The following PGM1 variants were observed in gnomAD, a reference collection of about 807,000 sequenced individuals.
PGM1 encodes the protein phosphoglucomutase-1.
A neutral mutation model predicts 55.6 loss-of-function variants in PGM1; 52 were observed. That is an observed-to-expected ratio of 0.94 (90% confidence interval 0.75 to 1.18). The LOEUF (loss-of-function observed/expected upper bound fraction) is 1.18. Among genes scored for constraint, PGM1 ranks in the 50% most tolerant of loss-of-function variants. The probability of loss-of-function intolerance (pLI) is 0.00; values close to 1 mark genes in which losing one functional copy is unlikely to be tolerated. For synonymous variants in PGM1, 287 were observed against 271.7 expected (o/e 1.06, Z -0.55); for missense variants, 724 against 729.3 (o/e 0.99, Z 0.08).
intron 1 of PGM1, among the ~76,000 whole-genome samples, chr1:63,601,737 A>G (rs1648249612): frequency 6.6e-6 from 1 of 152,168 alleles, no homozygotes; most frequent in Non-Finnish European, 1.5e-5. Flanking sequence ...GGCTGTGCTT[A>G]GTGTTGGGAT....
intron 1 of PGM1, among the ~76,000 whole-genome samples, chr1:63,614,790 C>A (rs79693328): frequency 0.02 from 3,019 of 152,272 alleles, 91 homozygotes; most frequent in African/African-American, 0.069. Flanking sequence ...AGGATAAGGG[C>A]TGAGAATAAT....
intron 7 of PGM1, among the ~76,000 whole-genome samples, chr1:63,642,242 G>A (rs1649537759): frequency 6.6e-6 from 1 of 152,150 alleles, no homozygotes; most frequent in Non-Finnish European, 1.5e-5. Flanking sequence ...AACAATCTTG[G>A]AATATTACTA....
intron 4 of PGM1, among the ~76,000 whole-genome samples, chr1:63,632,544 C>G (rs1370670478): frequency 6.6e-6 from 1 of 152,192 alleles, no homozygotes; most frequent in Non-Finnish European, 1.5e-5. Context: ...GGCCTCTGGA[C>G]TCCCATAGAA....
At chr1:63,624,986 G>A (rs886523611) in intron 1 of PGM1, among the ~76,000 whole-genome samples, 2 of 152,194 alleles carry the variant, frequency 1.3e-5, no homozygotes, top group Non-Finnish European at 2.9e-5. Context: ...AAGATAAAAT[G>A]TGACATGCCA....
At chr1:63,632,585 A>T (rs1042075208) in intron 4 of PGM1, among the ~76,000 whole-genome samples, 4 of 152,226 alleles carry the variant, frequency 2.6e-5, no homozygotes, top group African/African-American at 9.6e-5. Flanking sequence ...GACAAAAGCG[A>T]TTCTGTCATT....
intron 1 of PGM1, among the ~76,000 whole-genome samples, chr1:63,625,776 A>C (rs775046105): frequency 7.3e-5 from 11 of 151,686 alleles, no homozygotes; most frequent in Non-Finnish European, 1.5e-4. Context: ...GTTTCTCTTC[A>C]TTTTTTATTT....
intron 7 of PGM1, among the ~76,000 whole-genome samples, chr1:63,646,847 G>A (rs1027663716): frequency 2.0e-5 from 3 of 152,008 alleles, no homozygotes; most frequent in African/African-American, 4.8e-5. Context: ...TTGGCAAATC[G>A]CCTATTGATA....
chr1:63,602,618 A>C (rs141659462), intron 1 of PGM1, among the ~76,000 whole-genome samples: 91,946 of 151,752 alleles, frequency 0.61, 29,621 homozygotes, highest in African/African-American at 0.82. Context: ...GTGAATTGAA[A>C]TGTTGCTCAA....
At chr1:63,594,565 A>G (rs1467556779) in intron 1 of PGM1, among the ~76,000 whole-genome samples, 1 of 152,030 alleles carries the variant, frequency 6.6e-6, no homozygotes, top group African/African-American at 2.4e-5. Context: ...GCCCCCGGCC[A>G]AGGAAAGTTA....
rs959863872 is a variant in PGM1, at chr1:63,629,775, C to T, written c.410-167C>T. Among the ~76,000 whole-genome samples, 31 of 152,152 alleles carry T rather than the reference C, an allele frequency of 2.0e-4. 1 individual carries two copies. Among genetic ancestry groups the T allele is most frequent in the Admixed American group, 1.7e-3 (26 of 15,266 alleles). ...GTACCTGAATATGAAGAGCCATGCG[C>T]AAATCTTCCTTAACATGATATTTTC... is the stretch of plus-strand genomic sequence containing the variant. On this transcript the variant is annotated intron_variant, in intron 2 of 10. Coordinates refer to ENST00000371084, the MANE Select transcript of PGM1 (RefSeq NM_002633.3).
At chr1:63,617,137 G>C (rs1648735473) in intron 1 of PGM1, among the ~76,000 whole-genome samples, 1 of 152,208 alleles carries the variant, frequency 6.6e-6, no homozygotes, top group African/African-American at 2.4e-5. Context: ...CGGTCCCCTA[G>C]TCAGAAAATG....
chr1:63,594,052 C>T, intron 1 of PGM1: 1 of 1,084,510 alleles, frequency 9.2e-7, no homozygotes, highest in Non-Finnish European at 1.1e-6. Context: ...TCCCCGTCCC[C>T]CGCCCCTCCC....
rs535496554 is a variant in PGM1 at position 63,617,523 on chromosome 1, A to G, written c.247-11902A>G. The stretch of plus-strand genomic sequence containing the variant: ...GGAGTTCGAGACCAGCCTGTCCAAC[A>G]CAGTGAAACCCTGTCTCTATTAAAA... On this transcript the variant is annotated intron_variant, in intron 1 of 10. Transcript: ENST00000371084. 2.8e-3 allele frequency among the ~76,000 whole-genome samples: 429 copies of G among 152,150 alleles called. 6 individuals carry two copies. The highest frequency in any genetic ancestry group is 7.9e-3 in the South Asian group (38 of 4,812).
chr1:63,594,960 CAAAAAA>C (rs56084088), intron 1 of PGM1, among the ~76,000 whole-genome samples: 4 of 93,120 alleles, frequency 4.3e-5, no homozygotes, highest in African/African-American at 1.2e-4. Flanking sequence ...GACTCCGTCT[CAAAAAA>C]AAAAAAAAAG....
chr1:63,646,903 A>G (rs969238153), intron 7 of PGM1, among the ~76,000 whole-genome samples: 1 of 152,124 alleles, frequency 6.6e-6, no homozygotes, highest in Non-Finnish European at 1.5e-5. Flanking sequence ...TTATTCATAC[A>G]TAAGAATTTT....
intron 1 of PGM1, among the ~76,000 whole-genome samples, chr1:63,627,890 T>C (rs1318980388): frequency 6.6e-6 from 1 of 152,164 alleles, no homozygotes; most frequent in Admixed American, 6.5e-5. Context: ...GAAGGTGAAA[T>C]GTCACTGTGT....
intron 1 of PGM1, chr1:63,623,301 G>A: frequency 6.9e-7 from 1 of 1,458,076 alleles, no homozygotes; most frequent in South Asian, 1.5e-5. Flanking sequence ...CAACAACAAG[G>A]AATTAACCAA....
chr1:63,597,383 T>A lies in PGM1; in HGVS notation c.246+3649T>A, dbSNP rs1027908448. ...AATAATACATACCTGAAGAGCCTGT[T>A]GTGAGGATTAGATGAAACAACATAT... On this transcript the variant is annotated intron_variant, in intron 1 of 10. Coordinates refer to ENST00000371084, the MANE Select transcript of PGM1 (RefSeq NM_002633.3). 3.9e-5 allele frequency among the ~76,000 whole-genome samples: 6 copies of A among 152,350 alleles called. No individual in the cohort carries two copies. In the South Asian group the frequency reaches 1.0e-3, roughly 26 times the overall value.
chr1:63,632,965 G>A (rs923864522), intron 4 of PGM1, among the ~76,000 whole-genome samples: 9 of 152,194 alleles, frequency 5.9e-5, no homozygotes, highest in Admixed American at 6.5e-5. Context: ...GGAAGTTGTA[G>A]TGAGCGGAGA....
Sources: allele counts gnomAD v4.1 joint callset (sites outside exome capture counted in the v4.1 genomes callset), GRCh38; gene constraint gnomAD v4.1.1; transcripts MANE v1.5; gene names NCBI Gene and HGNC (gene_info 2026-07-23, HGNC 2026-07-21).